Variants in NALF1 observed in about 807,000 individuals in gnomAD.
NALF1 encodes NALCN channel auxiliary factor 1.
In NALF1, 3 loss-of-function variants were observed where a neutral mutation model predicts 48.4. The observed-to-expected ratio is 0.06, with a 90% CI of 0.03 to 0.16. The LOEUF (loss-of-function observed/expected upper bound fraction) is 0.16. Among genes scored for constraint, NALF1 ranks in the 10% least tolerant of loss-of-function variants. The probability of loss-of-function intolerance (pLI) is 1.00; values close to 1 mark genes in which losing one functional copy is unlikely to be tolerated. For synonymous variants in NALF1, 262 were observed against 245.7 expected (o/e 1.07, Z -0.62); for missense variants, 526 against 571.5 (o/e 0.92, Z 0.81).
chr13:107,473,993 C>T (rs907024313), intron 1 of NALF1, among the ~76,000 whole-genome samples: 4 of 152,114 alleles, frequency 2.6e-5, no homozygotes, highest in African/African-American at 9.7e-5. Flanking sequence ...TCCCCACAGT[C>T]GTACACTGGG....
chr13:107,430,185 G>A (rs977324447), intron 1 of NALF1, among the ~76,000 whole-genome samples: 6 of 152,096 alleles, frequency 3.9e-5, no homozygotes, highest in Non-Finnish European at 7.4e-5. Context: ...CTATTTCATA[G>A]CAAGCGGTTG....
chr13:107,791,130 G>A (rs1016244309), intron 1 of NALF1, among the ~76,000 whole-genome samples: 1 of 152,100 alleles, frequency 6.6e-6, no homozygotes, highest in Non-Finnish European at 1.5e-5. Flanking sequence ...AAAATGTAAA[G>A]TTACTAATAT....
intron 2 of NALF1, among the ~76,000 whole-genome samples, chr13:107,199,907 T>C (rs1240924434): frequency 6.6e-6 from 1 of 152,214 alleles, no homozygotes; most frequent in East Asian, 1.9e-4. Context: ...GTGCAGAGCA[T>C]GGCTGACCTT....
At chr13:107,529,118 G>C (rs961291737) in intron 1 of NALF1, among the ~76,000 whole-genome samples, 1 of 152,060 alleles carries the variant, frequency 6.6e-6, no homozygotes, top group Non-Finnish European at 1.5e-5. Context: ...TATTTCATTT[G>C]CTTAACAAGA....
At chr13:107,588,883 T>C (rs1353007769) in intron 1 of NALF1, among the ~76,000 whole-genome samples, 1 of 152,054 alleles carries the variant, frequency 6.6e-6, no homozygotes, top group Non-Finnish European at 1.5e-5. Flanking sequence ...AACGCCACAA[T>C]TTGTGTCATT....
chr13:107,340,144 T>C (rs1009795149), intron 1 of NALF1, among the ~76,000 whole-genome samples: 7 of 151,162 alleles, frequency 4.6e-5, no homozygotes, highest in Admixed American at 2.0e-4. Flanking sequence ...CCTGTGGTTG[T>C]ATACATTCCT....
intron 1 of NALF1, among the ~76,000 whole-genome samples, chr13:107,703,638 C>T (rs1881879656): frequency 6.6e-6 from 1 of 152,162 alleles, no homozygotes; most frequent in Non-Finnish European, 1.5e-5. Context: ...AATTTTTTAA[C>T]AGCTCCACAG....
chr13:107,747,642 C>A (rs1051453374), intron 1 of NALF1, among the ~76,000 whole-genome samples: 1 of 152,124 alleles, frequency 6.6e-6, no homozygotes, highest in Non-Finnish European at 1.5e-5. Context: ...TGTATTACAT[C>A]TTTCACTTTT....
At chr13:107,266,973 C>T (rs984691174) in intron 1 of NALF1, among the ~76,000 whole-genome samples, 1 of 152,142 alleles carries the variant, frequency 6.6e-6, no homozygotes, top group Non-Finnish European at 1.5e-5. Context: ...CAACTTCCTA[C>T]ACCAGGATGT....
At chr13:107,580,170 C>T (rs2138409736) in intron 1 of NALF1, among the ~76,000 whole-genome samples, 1 of 152,158 alleles carries the variant, frequency 6.6e-6, no homozygotes, top group African/African-American at 2.4e-5. Flanking sequence ...AATTGGAAAT[C>T]ATCATTCTCA....
chr13:107,709,132 C>T (rs1477318420), intron 1 of NALF1, among the ~76,000 whole-genome samples: 2 of 152,162 alleles, frequency 1.3e-5, no homozygotes, highest in Admixed American at 6.5e-5. Flanking sequence ...TGAAAGAGAA[C>T]TCATTTGCAT....
intron 2 of NALF1, among the ~76,000 whole-genome samples, chr13:107,172,469 C>T (rs1878827225): frequency 6.6e-6 from 1 of 152,214 alleles, no homozygotes; most frequent in African/African-American, 2.4e-5. Flanking sequence ...AAATAATATA[C>T]ACTTCAATCT....
intron 1 of NALF1, among the ~76,000 whole-genome samples, chr13:107,692,946 C>T (rs1881600269): frequency 6.6e-6 from 1 of 152,082 alleles, no homozygotes; most frequent in Non-Finnish European, 1.5e-5. Context: ...GTGAATAGTG[C>T]TGCAATAAAC....
intron 1 of NALF1, among the ~76,000 whole-genome samples, chr13:107,304,962 T>C (rs1881907354): frequency 6.6e-6 from 1 of 152,188 alleles, no homozygotes; most frequent in African/African-American, 2.4e-5. Context: ...GAATACAAAA[T>C]GACAATAACC....
At chr13:107,854,387 T>G (rs890503364) in intron 1 of NALF1, among the ~76,000 whole-genome samples, 3 of 152,236 alleles carry the variant, frequency 2.0e-5, no homozygotes, top group African/African-American at 7.2e-5. Flanking sequence ...AAGGCATACC[T>G]GCCTGACAAC....
intron 1 of NALF1, among the ~76,000 whole-genome samples, chr13:107,851,716 C>T (rs74112684): frequency 1.8e-3 from 274 of 151,098 alleles, no homozygotes; most frequent in African/African-American, 6.1e-3. Flanking sequence ...GAAGTGGGAC[C>T]GTTTGAAAAG....
At chr13:107,661,707 C>G (rs1336296540) in intron 1 of NALF1, among the ~76,000 whole-genome samples, 1 of 151,826 alleles carries the variant, frequency 6.6e-6, no homozygotes, top group East Asian at 1.9e-4. Flanking sequence ...CATCCATCAT[C>G]ACTGGGAAAA....
At chr13:107,790,767 A>G (rs972632019) in intron 1 of NALF1, among the ~76,000 whole-genome samples, 3 of 152,220 alleles carry the variant, frequency 2.0e-5, no homozygotes, top group Non-Finnish European at 2.9e-5. Context: ...ATTTGGGGAA[A>G]AAATGCATAG....
intron 1 of NALF1, among the ~76,000 whole-genome samples, chr13:107,595,064 CA>C (rs1264288244): frequency 1.3e-5 from 2 of 152,030 alleles, no homozygotes; most frequent in Non-Finnish European, 2.9e-5. Flanking sequence ...CATACAGATA[CA>C]CACATAGTTA....
Sources: gnomAD v4.1 joint callset for allele counts (sites outside exome capture counted in the v4.1 genomes callset) on GRCh38, gnomAD v4.1.1 for gene constraint, MANE v1.5 for transcripts, NCBI Gene and HGNC (gene_info 2026-07-23, HGNC 2026-07-21) for gene names.